Variants in TMCC1 observed in about 807,000 individuals in gnomAD.
TMCC1 encodes the protein transmembrane and coiled-coil domains protein 1.
Under a neutral mutation model 52.4 loss-of-function variants are expected in TMCC1, and 15 were observed. The observed-to-expected ratio is 0.29, with a 90% CI of 0.19 to 0.44. TMCC1 has a LOEUF of 0.44. Ranked by LOEUF, TMCC1 falls within the 20% of genes least tolerant of loss-of-function variation. TMCC1 has a pLI of 1.00. For synonymous variants in TMCC1, 279 were observed against 301.9 expected (o/e 0.92, Z 0.79); for missense variants, 503 against 806.0 (o/e 0.62, Z 4.55).
intron 1 of TMCC1, among the ~76,000 whole-genome samples, chr3:129,889,738 G>T (rs140912484): frequency 6.6e-6 from 1 of 151,886 alleles, no homozygotes; most frequent in Non-Finnish European, 1.5e-5. Context: ...GCTTGTTGTC[G>T]CAGAGTGAAG....
rs58055079 is a variant in TMCC1, at chr3:129,813,985, AT to A, written c.576+13817del. Among the ~76,000 whole-genome samples, 890 of 145,716 alleles carry A rather than the reference AT, an allele frequency of 6.1e-3. 3 individuals are homozygous for A. Among genetic ancestry groups the A allele is most frequent in the South Asian group, 0.012 (54 of 4,626 alleles). On this transcript the variant is annotated intron_variant, in intron 4 of 6. Coordinates refer to ENST00000393238, the MANE Select transcript of TMCC1 (RefSeq NM_001017395.5). ...ACTTGTCCTTAAGTTCTTTTTCCTT[AT>A]TTTTTTTTTTTGTATAATAAAGCAG...
At chr3:129,842,526 T>C (rs966525575) in intron 2 of TMCC1, among the ~76,000 whole-genome samples, 2 of 151,426 alleles carry the variant, frequency 1.3e-5, no homozygotes, top group African/African-American at 2.4e-5. Context: ...AGATGTGACC[T>C]CAACAGTTCA....
At chr3:129,892,673 G>A (rs1254177584) in intron 1 of TMCC1, 1 of 152,190 alleles carries the variant, frequency 6.6e-6, no homozygotes, top group Non-Finnish European at 1.5e-5. Flanking sequence ...TGCGGGGGCC[G>A]GGGGTAGCCA....
chr3:129,872,386 A>G (rs2060973034), intron 2 of TMCC1, among the ~76,000 whole-genome samples: 1 of 152,214 alleles, frequency 6.6e-6, no homozygotes. Flanking sequence ...TAATAGATAT[A>G]CAAATTCTCA....
chr3:129,809,781 C>T (rs1381042338), intron 4 of TMCC1, among the ~76,000 whole-genome samples: 1 of 152,196 alleles, frequency 6.6e-6, no homozygotes, highest in Non-Finnish European at 1.5e-5. Context: ...ATTTTGCAAA[C>T]AATTTTCCCG....
At chr3:129,656,483 A>G (rs1356018752) in intron 5 of TMCC1, among the ~76,000 whole-genome samples, 2 of 152,278 alleles carry the variant, frequency 1.3e-5, no homozygotes, top group Non-Finnish European at 2.9e-5. Context: ...AATCACATCT[A>G]TAATATGTAA....
intron 4 of TMCC1, among the ~76,000 whole-genome samples, chr3:129,684,160 T>G (rs1383767813): frequency 6.6e-6 from 1 of 152,206 alleles, no homozygotes; most frequent in Admixed American, 6.5e-5. Flanking sequence ...GTCTAGTTGT[T>G]CCAGGTTTTT....
intron 2 of TMCC1, among the ~76,000 whole-genome samples, chr3:129,843,877 C>T (rs1313417479): frequency 7.5e-6 from 1 of 133,048 alleles, no homozygotes; most frequent in Non-Finnish European, 1.6e-5. Flanking sequence ...ATGAGACTAA[C>T]ATTACTCTAA....
At chr3:129,796,703 C>A (rs1378542225) in intron 4 of TMCC1, among the ~76,000 whole-genome samples, 1 of 152,098 alleles carries the variant, frequency 6.6e-6, no homozygotes, top group African/African-American at 2.4e-5. Context: ...GCATGTGCTA[C>A]CTAACTACTA....
intron 4 of TMCC1, among the ~76,000 whole-genome samples, chr3:129,709,624 T>A (rs946238778): frequency 6.6e-6 from 1 of 151,970 alleles, no homozygotes; most frequent in Non-Finnish European, 1.5e-5. Context: ...ACCATAAATC[T>A]ATACTAGGTA....
At chr3:129,748,097 A>C (rs2052145540) in intron 4 of TMCC1, among the ~76,000 whole-genome samples, 1 of 152,210 alleles carries the variant, frequency 6.6e-6, no homozygotes, top group African/African-American at 2.4e-5. Context: ...GTCATGTTAC[A>C]TACACCTAAA....
chr3:129,715,714 A>AT (rs891436667), intron 4 of TMCC1, among the ~76,000 whole-genome samples: 5 of 152,096 alleles, frequency 3.3e-5, no homozygotes, highest in African/African-American at 1.2e-4. Context: ...GTATATATAT[A>AT]TTTTTTACTT....
At chr3:129,719,068 A>G (rs1193024586) in intron 4 of TMCC1, among the ~76,000 whole-genome samples, 1 of 152,208 alleles carries the variant, frequency 6.6e-6, no homozygotes, top group African/African-American at 2.4e-5. Flanking sequence ...TTGTATGCTA[A>G]TAAGACGGCT....
chr3:129,668,210 T>C (rs1206965043), intron 5 of TMCC1, among the ~76,000 whole-genome samples: 3 of 152,074 alleles, frequency 2.0e-5, no homozygotes, highest in Non-Finnish European at 2.9e-5. Flanking sequence ...AAACAAAAAA[T>C]AGAGGAGTCA....
intron 5 of TMCC1, among the ~76,000 whole-genome samples, chr3:129,667,046 C>T (rs1334415940): frequency 1.3e-5 from 2 of 151,232 alleles, no homozygotes. Context: ...GGACTACAGG[C>T]GCATGCCACC....
intron 4 of TMCC1, among the ~76,000 whole-genome samples, chr3:129,780,081 T>C (rs1321155855): frequency 6.6e-6 from 1 of 152,140 alleles, no homozygotes; most frequent in Non-Finnish European, 1.5e-5. Flanking sequence ...ACTAACTCCA[T>C]TTCCCCATCT....
At chr3:129,873,988 C>T (rs893594910) in intron 2 of TMCC1, among the ~76,000 whole-genome samples, 9 of 151,940 alleles carry the variant, frequency 5.9e-5, no homozygotes, top group Non-Finnish European at 1.2e-4. Context: ...CAGTAGACCT[C>T]TATTTGAGTT....
At chr3:129,722,585 T>C (rs2049709349) in intron 4 of TMCC1, among the ~76,000 whole-genome samples, 2 of 152,326 alleles carry the variant, frequency 1.3e-5, no homozygotes, top group South Asian at 4.1e-4. Context: ...ATTAAAAATA[T>C]TTAAATTATG....
chr3:129,847,942 T>C (rs2059741334), intron 2 of TMCC1: 1 of 152,228 alleles, frequency 6.6e-6, no homozygotes, highest in Admixed American at 6.5e-5. Flanking sequence ...CATCTTTTCA[T>C]GTGCTTATTT....
Sources: gnomAD v4.1 joint callset for allele counts (sites outside exome capture counted in the v4.1 genomes callset) on GRCh38, gnomAD v4.1.1 for gene constraint, MANE v1.5 for transcripts, NCBI Gene and HGNC (gene_info 2026-07-23, HGNC 2026-07-21) for gene names.